RARB: variants seen among roughly 807,000 people sequenced by gnomAD.
RARB encodes the protein retinoic acid receptor beta, also known as HBV-activated protein.
RARB carries 17 observed loss-of-function variants against 51.9 expected under a neutral mutation model. The observed-to-expected ratio is 0.33, with a 90% CI of 0.22 to 0.49. The LOEUF (loss-of-function observed/expected upper bound fraction) is 0.49. Ranked by LOEUF, RARB falls within the 20% of genes least tolerant of loss-of-function variation. The pLI, the probability that RARB is intolerant of heterozygous loss-of-function variation, is 0.99. For missense variants in RARB, 369 were observed against 550.8 expected (o/e 0.67, Z 3.30); for synonymous variants, 215 against 195.4 (o/e 1.10, Z -0.84).
At chr3:25,421,403 CTTTT>C (rs766378555) in intron 5 of RARB, among the ~76,000 whole-genome samples, 3 of 72,374 alleles carry the variant, frequency 4.1e-5, no homozygotes, top group Non-Finnish European at 7.8e-5. Context: ...TTCTTCTTTT[CTTTT>C]TTTTTTTTTT....
intron 2 of RARB, among the ~76,000 whole-genome samples, chr3:25,482,591 G>C (rs904733220): frequency 7.4e-5 from 10 of 135,400 alleles, no homozygotes; most frequent in Non-Finnish European, 1.4e-4. Flanking sequence ...CCAGGCCGGA[G>C]TGCAGTGGCG....
rs909455647 is a variant in RARB, at chr3:24,964,849, G to A, written c.-379-95276G>A. On this transcript the variant is annotated intron_variant, in intron 2 of 11. Coordinates refer to the RARB transcript ENST00000383772. ...TCTCCCTCAAGGGAGTTATCTAATA[G>A]CAGGGCTATTGGGTACCCTCAGGCT... Among the ~76,000 whole-genome samples, 5 of 152,288 alleles carry A rather than the reference G, an allele frequency of 3.3e-5. No individual in the cohort carries two copies. The East Asian group carries it at 7.7e-4, about 23-fold the overall frequency.
intron 5 of RARB, among the ~76,000 whole-genome samples, chr3:25,590,763 A>G (rs1701583518): frequency 6.6e-6 from 1 of 152,182 alleles, no homozygotes; most frequent in African/African-American, 2.4e-5. Context: ...CAGATGATCT[A>G]TCCGCCTTGC....
intron 5 of RARB, among the ~76,000 whole-genome samples, chr3:25,353,794 C>T (rs1265884187): frequency 1.3e-5 from 2 of 151,986 alleles, no homozygotes. Flanking sequence ...CGGTCTTTGA[C>T]CCAGTTGTGA....
intron 5 of RARB, among the ~76,000 whole-genome samples, chr3:25,317,074 T>C (rs1442325961): frequency 6.6e-6 from 1 of 152,108 alleles, no homozygotes; most frequent in Non-Finnish European, 1.5e-5. Flanking sequence ...TATTTGATTA[T>C]TATAAGTCGT....
chr3:24,911,786 C>A (rs1052408292), intron 2 of RARB, among the ~76,000 whole-genome samples: 2 of 152,082 alleles, frequency 1.3e-5, no homozygotes, highest in African/African-American at 4.8e-5. Context: ...GATCTTGTCT[C>A]TTAAAAAAGT....
intron 5 of RARB, among the ~76,000 whole-genome samples, chr3:25,217,472 G>T (rs1332104176): frequency 6.6e-6 from 1 of 151,984 alleles, no homozygotes; most frequent in African/African-American, 2.4e-5. Flanking sequence ...AGAGGACAAA[G>T]GGGGCATGAA....
At chr3:25,231,634 A>C (rs570907103) in intron 5 of RARB, among the ~76,000 whole-genome samples, 1 of 152,276 alleles carries the variant, frequency 6.6e-6, no homozygotes, top group South Asian at 2.1e-4. Context: ...TCTAGTGTGT[A>C]ATGGTATCTC....
intron 5 of RARB, among the ~76,000 whole-genome samples, chr3:25,251,799 C>T (rs1702728369): frequency 1.3e-5 from 2 of 150,440 alleles, no homozygotes; most frequent in Non-Finnish European, 3.0e-5. Flanking sequence ...TACTTCTTTT[C>T]ATCTTTTGGG....
intron 2 of RARB, among the ~76,000 whole-genome samples, chr3:25,021,282 T>A (rs1373567583): frequency 6.6e-6 from 1 of 152,216 alleles, no homozygotes; most frequent in African/African-American, 2.4e-5. Context: ...CCTAGAAGTT[T>A]CTGTATTTAT....
intron 2 of RARB, among the ~76,000 whole-genome samples, chr3:24,978,396 G>C (rs147184189): frequency 3.3e-5 from 5 of 151,934 alleles, no homozygotes; most frequent in Non-Finnish European, 7.4e-5. Context: ...TACTTTTTTT[G>C]GTTGGTAGGC....
At chr3:25,430,648 GGTGAAT>G (rs1310794864) in intron 1 of RARB, among the ~76,000 whole-genome samples, 1 of 152,186 alleles carries the variant, frequency 6.6e-6, no homozygotes, top group Non-Finnish European at 1.5e-5. Flanking sequence ...GAGAGCGAGC[GGTGAAT>G]GTGTCATTCG....
chr3:25,004,566 C>G (rs966068520), intron 2 of RARB, among the ~76,000 whole-genome samples: 1 of 152,058 alleles, frequency 6.6e-6, no homozygotes, highest in Admixed American at 6.6e-5. Flanking sequence ...GCTCTCATGG[C>G]CTAATCACCT....
At chr3:25,558,630 T>TCTAA (rs1169613300) in intron 3 of RARB, among the ~76,000 whole-genome samples, 3 of 150,186 alleles carry the variant, frequency 2.0e-5, no homozygotes, top group Non-Finnish European at 4.4e-5. Flanking sequence ...TCCTAAATAA[T>TCTAA]CTAACTTTGG....
At chr3:25,134,424 C>A (rs1413514138) in intron 4 of RARB, among the ~76,000 whole-genome samples, 1 of 151,738 alleles carries the variant, frequency 6.6e-6, no homozygotes, top group African/African-American at 2.4e-5. Context: ...TATTTATTTT[C>A]TTTTAAGTAA....
chr3:25,217,744 A>T (rs1701865611), intron 5 of RARB, among the ~76,000 whole-genome samples: 1 of 152,198 alleles, frequency 6.6e-6, no homozygotes, highest in African/African-American at 2.4e-5. Context: ...GAGAATGTGC[A>T]CTAAGCACCT....
chr3:25,370,337 T>C lies in RARB; in HGVS notation c.179-90856T>C, dbSNP rs577394724. ...AAAAATTAGTGTTAGAGTAAGTGTA[T>C]GTATTCCAAGCTATGCAAATTCCAT... is the stretch of plus-strand genomic sequence containing the variant. On this transcript the variant is annotated intron_variant, in intron 5 of 11. Transcript: ENST00000383772. 2.7e-4 allele frequency among the ~76,000 whole-genome samples: 41 copies of C among 152,302 alleles called. No homozygotes were observed. The South Asian group carries it at 7.7e-3, about 29-fold the overall frequency.
At chr3:25,125,925 C>T (rs1359479220) in intron 3 of RARB, among the ~76,000 whole-genome samples, 1 of 152,116 alleles carries the variant, frequency 6.6e-6, no homozygotes, top group Non-Finnish European at 1.5e-5. Context: ...TAGGTGACTT[C>T]TCCAGGCAGG....
intron 5 of RARB, among the ~76,000 whole-genome samples, chr3:25,254,676 G>A (rs1251133419): frequency 6.6e-6 from 1 of 152,136 alleles, no homozygotes; most frequent in African/African-American, 2.4e-5. Context: ...GCAGTGAGAA[G>A]GAAGGAGAGG....
Sources: allele counts gnomAD v4.1 joint callset (sites outside exome capture counted in the v4.1 genomes callset), GRCh38; gene constraint gnomAD v4.1.1; transcripts MANE v1.5; gene names NCBI Gene and HGNC (gene_info 2026-07-23, HGNC 2026-07-21).